PRDM16: variants seen among roughly 807,000 people sequenced by gnomAD.
The protein encoded by PRDM16 is PR/SET domain 16.
Under a neutral mutation model 110.6 loss-of-function variants are expected in PRDM16, and 23 were observed. The observed-to-expected ratio is 0.21, with a 90% CI of 0.15 to 0.29. The LOEUF (loss-of-function observed/expected upper bound fraction) is 0.29, where lower values mean the gene tolerates loss of function less well. PRDM16 is among the 10% of genes least tolerant of loss of function. The probability of loss-of-function intolerance (pLI) is 1.00; values close to 1 mark genes in which losing one functional copy is unlikely to be tolerated. For missense variants in PRDM16, 1,615 were observed against 1,794.3 expected (o/e 0.90, Z 1.81); for synonymous variants, 799 against 781.8 (o/e 1.02, Z -0.37).
intron 1 of PRDM16, among the ~76,000 whole-genome samples, chr1:3,151,213 C>G (rs547879146): frequency 1.3e-5 from 2 of 152,304 alleles, no homozygotes; most frequent in South Asian, 4.1e-4. Context: ...GGGGCAGGGC[C>G]CTGGGGCACA....
chr1:3,320,329 CGT>C (rs1002062234), intron 3 of PRDM16, among the ~76,000 whole-genome samples: 1 of 151,944 alleles, frequency 6.6e-6, no homozygotes, highest in African/African-American at 2.4e-5. Flanking sequence ...TGTGTGTGTG[CGT>C]GTGTGTGTAT....
chr1:3,229,435 A>G (rs1356154209), intron 2 of PRDM16, among the ~76,000 whole-genome samples: 3 of 135,824 alleles, frequency 2.2e-5, no homozygotes, highest in African/African-American at 9.7e-5. Flanking sequence ...CCTGCACTAA[A>G]GGACATTTTT....
intron 1 of PRDM16, among the ~76,000 whole-genome samples, chr1:3,181,861 C>G (rs61759174): frequency 1.3e-4 from 12 of 93,992 alleles, no homozygotes; most frequent in Admixed American, 2.5e-4. Flanking sequence ...CTTACACACG[C>G]AGTCTTACAC....
Position 3,136,703 on chromosome 1 carries a change from C to T in PRDM16, c.38-49422C>T, listed in dbSNP as rs1015311296. Among the ~76,000 whole-genome samples, 3 of 152,096 alleles carry T rather than the reference C, an allele frequency of 2.0e-5. No homozygotes were observed. The South Asian group carries it at 6.2e-4, about 32-fold the overall frequency. On this transcript the variant is annotated intron_variant, in intron 1 of 16. Coordinates refer to ENST00000270722, the MANE Select transcript of PRDM16 (RefSeq NM_022114.4). ...TATCAGGCATCTCCTGGCCCCACCG[C>T]CCCCTGCTTCTCCCCTCCTGGTAAA...
chr1:3,357,665 G>T (rs990105872), intron 3 of PRDM16, among the ~76,000 whole-genome samples: 1 of 151,968 alleles, frequency 6.6e-6, no homozygotes, highest in African/African-American at 2.4e-5. Context: ...CTGCCCAGTC[G>T]TCTACGCCCA....
At chr1:3,110,626 G>T (rs148764844) in intron 1 of PRDM16, among the ~76,000 whole-genome samples, 1 of 152,364 alleles carries the variant, frequency 6.6e-6, no homozygotes, top group Middle Eastern at 3.4e-3. Context: ...TGGACCTAAC[G>T]TGGGTGTTTT....
chr1:3,257,725 T>C (rs1317148561), intron 3 of PRDM16, among the ~76,000 whole-genome samples: 1 of 152,220 alleles, frequency 6.6e-6, no homozygotes, highest in Non-Finnish European at 1.5e-5. Context: ...CTTGGGGTCT[T>C]GCAGGCTGGC....
chr1:3,303,662 C>T (rs943542121), intron 3 of PRDM16, among the ~76,000 whole-genome samples: 16 of 152,338 alleles, frequency 1.1e-4, no homozygotes, highest in African/African-American at 3.4e-4. Flanking sequence ...GCGGCTGCAC[C>T]GGTTCACATT....
chr1:3,436,612 A>C lies in PRDM16; in HGVS notation c.*2801A>C. ...CGGCCCCGACACTTAGTGTGGCCCC[A>C]GGCCCCAGCGAGCCTCGCCCTCCCA... On this transcript the variant is annotated 3_prime_UTR_variant, in exon 17 of 17. Coordinates refer to ENST00000270722, the MANE Select transcript of PRDM16 (RefSeq NM_022114.4). 4.3e-6 allele frequency: 1 copy of C among 232,094 alleles called. No individual in the cohort carries two copies. The highest frequency in any genetic ancestry group is 8.5e-6 in the Non-Finnish European group (1 of 117,308). 14.4% of individuals were successfully genotyped at this position (232,094 alleles called of 1,614,324 possible).
At chr1:3,222,707 C>CGGT (rs1436017368) in intron 2 of PRDM16, among the ~76,000 whole-genome samples, 4 of 152,254 alleles carry the variant, frequency 2.6e-5, no homozygotes, top group African/African-American at 9.6e-5. Flanking sequence ...CTGCAGGGCC[C>CGGT]CTGACTGTCT....
At chr1:3,232,042 G>A (rs1639429279) in intron 2 of PRDM16, among the ~76,000 whole-genome samples, 1 of 152,210 alleles carries the variant, frequency 6.6e-6, no homozygotes, top group Non-Finnish European at 1.5e-5. Flanking sequence ...TCTGCCTCCC[G>A]CTGCCTTCAC....
chr1:3,352,116 C>G lies in PRDM16; in HGVS notation c.439-33036C>G, dbSNP rs549817032. ...CAGCTCAGACAGCCCCAGGCCAACCCTGGCACACCGGTGCATGGTCCACCT... is the reference window on the plus strand; with the variant it reads ...CAGCTCAGACAGCCCCAGGCCAACCGTGGCACACCGGTGCATGGTCCACCT... On this transcript the variant is annotated intron_variant, in intron 3 of 16. Transcript: ENST00000270722. 3.3e-5 allele frequency among the ~76,000 whole-genome samples: 5 copies of G among 152,332 alleles called. No homozygotes were observed. The South Asian group carries it at 1.0e-3, about 32-fold the overall frequency.
At chr1:3,140,415 G>A (rs932016683) in intron 1 of PRDM16, among the ~76,000 whole-genome samples, 2 of 152,100 alleles carry the variant, frequency 1.3e-5, no homozygotes, top group Non-Finnish European at 2.9e-5. Flanking sequence ...GCTGGGAGGT[G>A]TTTGCCTCCG....
intron 1 of PRDM16, among the ~76,000 whole-genome samples, chr1:3,178,696 C>G (rs1644118091): frequency 6.6e-6 from 1 of 152,174 alleles, no homozygotes; most frequent in Admixed American, 6.5e-5. Context: ...CCATCTGTCC[C>G]CACCACCCAC....
At chr1:3,354,503 G>C (rs1642556056) in intron 3 of PRDM16, among the ~76,000 whole-genome samples, 2 of 150,236 alleles carry the variant, frequency 1.3e-5, no homozygotes, top group South Asian at 4.2e-4. Flanking sequence ...GCTGCCACCA[G>C]ATTCTCCACT....
At chr1:3,426,449 A>C (rs1638609815) in intron 14 of PRDM16, among the ~76,000 whole-genome samples, 1 of 151,944 alleles carries the variant, frequency 6.6e-6, no homozygotes, top group African/African-American at 2.4e-5. Flanking sequence ...GAGAGTAAGC[A>C]CCCCTGGGCT....
intron 3 of PRDM16, among the ~76,000 whole-genome samples, chr1:3,280,293 G>T (rs1569984671): frequency 6.6e-6 from 1 of 152,348 alleles, no homozygotes; most frequent in South Asian, 2.1e-4. Context: ...CCTGGTGTGT[G>T]TGCACGTGTG....
intron 3 of PRDM16, among the ~76,000 whole-genome samples, chr1:3,301,532 G>A (rs534730028): frequency 6.6e-6 from 1 of 152,296 alleles, no homozygotes; most frequent in African/African-American, 2.4e-5. Flanking sequence ...AAAAGAAGAC[G>A]TCTCGGTGAC....
chr1:3,301,308 G>A (rs1276559996), intron 3 of PRDM16, among the ~76,000 whole-genome samples: 2 of 138,088 alleles, frequency 1.4e-5, no homozygotes, highest in Non-Finnish European at 3.0e-5. Context: ...CCTCCAGCCT[G>A]GGCAACAGAG....
Sources: gnomAD v4.1 joint callset for allele counts (sites outside exome capture counted in the v4.1 genomes callset) on GRCh38, gnomAD v4.1.1 for gene constraint, MANE v1.5 for transcripts, NCBI Gene and HGNC (gene_info 2026-07-23, HGNC 2026-07-21) for gene names.